CSGALNACT1: variants seen among roughly 807,000 people sequenced by gnomAD.
CSGALNACT1 encodes chondroitin sulfate N-acetylgalactosaminyltransferase 1, also known as beta4GalNAcT-1.
A neutral mutation model predicts 51.0 loss-of-function variants in CSGALNACT1; 52 were observed. The observed-to-expected ratio is 1.02, with a 90% CI of 0.82 to 1.29. The LOEUF is 1.29. Among genes scored for constraint, CSGALNACT1 ranks in the 50% most tolerant of loss-of-function variants. The probability of loss-of-function intolerance (pLI) is 0.00; values close to 1 mark genes in which losing one functional copy is unlikely to be tolerated. For missense variants in CSGALNACT1, 935 were observed against 679.2 expected, an observed-to-expected ratio of 1.38 and a Z score of -4.19; for synonymous variants, 341 against 254.4, an observed-to-expected ratio of 1.34 and a Z score of -3.24.
chr8:19,420,383 G>A (rs2057723171), exon 7 of CSGALNACT1: 1 of 1,614,196 alleles, frequency 6.2e-7, no homozygotes, highest in South Asian at 1.1e-5. Context: ...ATTCAGATGT[G>A]AAGTAGATGT....
intron 1 of CSGALNACT1, among the ~76,000 whole-genome samples, chr8:19,691,443 A>G (rs974970896): frequency 1.3e-5 from 2 of 152,220 alleles, no homozygotes; most frequent in African/African-American, 4.8e-5. Flanking sequence ...AAACAAAACA[A>G]AAACAAACAC....
chr8:19,704,644 C>T (rs1397612263), intron 1 of CSGALNACT1, among the ~76,000 whole-genome samples: 2 of 152,012 alleles, frequency 1.3e-5, no homozygotes, highest in Admixed American at 6.6e-5. Flanking sequence ...GCATTATTCA[C>T]AATAAGATAT....
intron 2 of CSGALNACT1, among the ~76,000 whole-genome samples, chr8:19,593,353 G>A (rs1352693208): frequency 1.3e-5 from 2 of 152,322 alleles, no homozygotes; most frequent in South Asian, 2.1e-4. Context: ...GACCTTACTG[G>A]TAAGGTTCAC....
intron 3 of CSGALNACT1, among the ~76,000 whole-genome samples, chr8:19,512,186 T>C (rs1041217335): frequency 6.6e-6 from 1 of 152,174 alleles, no homozygotes; most frequent in Admixed American, 6.5e-5. Flanking sequence ...GCTGCTGTGT[T>C]GTGAGCAGCC....
At chr8:19,562,324 A>G (rs1456051811) in intron 3 of CSGALNACT1, among the ~76,000 whole-genome samples, 1 of 152,190 alleles carries the variant, frequency 6.6e-6, no homozygotes, top group Admixed American at 6.5e-5. Context: ...GCCCTTTTAC[A>G]TAGAATAGTA....
chr8:19,507,918 T>G (rs1242335053), intron 3 of CSGALNACT1, among the ~76,000 whole-genome samples: 2 of 152,264 alleles, frequency 1.3e-5, no homozygotes, highest in African/African-American at 4.8e-5. Flanking sequence ...TGAGCCGCCG[T>G]GCCCGGCCCT....
At chr8:19,495,495 C>T (rs933144835) in intron 4 of CSGALNACT1, among the ~76,000 whole-genome samples, 1 of 152,132 alleles carries the variant, frequency 6.6e-6, no homozygotes, top group African/African-American at 2.4e-5. Context: ...ACAGTTCTAA[C>T]TTTGAAAGTC....
At chr8:19,691,079 G>C (rs979583143) in intron 1 of CSGALNACT1, among the ~76,000 whole-genome samples, 18 of 152,340 alleles carry the variant, frequency 1.2e-4, no homozygotes, top group Non-Finnish European at 2.1e-4. Context: ...ACAACAGAGT[G>C]AGACCTAGTC....
intron 1 of CSGALNACT1, among the ~76,000 whole-genome samples, chr8:19,626,564 G>A (rs1228633546): frequency 6.6e-6 from 1 of 152,152 alleles, no homozygotes; most frequent in Non-Finnish European, 1.5e-5. Flanking sequence ...CTGAAAGCAT[G>A]ATCAGTAACA....
chr8:19,404,893 A>G (rs892366358), exon 10 of CSGALNACT1: 2 of 454,310 alleles, frequency 4.4e-6, no homozygotes, highest in African/African-American at 4.0e-5. Flanking sequence ...CTTCAGAGAA[A>G]GTATCTGTAC....
intron 1 of CSGALNACT1, among the ~76,000 whole-genome samples, chr8:19,735,045 G>A (rs1267280743): frequency 1.3e-5 from 2 of 152,088 alleles, no homozygotes; most frequent in African/African-American, 2.4e-5. Flanking sequence ...AAGGGGCAAT[G>A]TCTAGGGCAT....
At chr8:19,597,851 A>G (rs1046220119) in intron 2 of CSGALNACT1, among the ~76,000 whole-genome samples, 1 of 152,250 alleles carries the variant, frequency 6.6e-6, no homozygotes, top group African/African-American at 2.4e-5. Context: ...CTAAAAATGC[A>G]GAGACCATGC....
rs1564382481 is a variant in CSGALNACT1 at position 19,666,767 on chromosome 8, GAAAGAAAGA to G, written c.-544+15697_-544+15705del. On this transcript the variant is annotated intron_variant, in intron 1 of 9. Transcript: ENST00000332246. ...CAAGAAACAAGAAAGAAAGAAGAAAGAAAGAAAGAAAGAAAGAAAGAAAGAAAGAAAGAA... is the reference window on the plus strand; with the variant it reads ...CAAGAAACAAGAAAGAAAGAAGAAAGAAGAAAGAAAGAAAGAAAGAAAGAA... 4.8e-3 allele frequency among the ~76,000 whole-genome samples: 38 copies of G among 7,938 alleles called. 1 individual carries two copies. The highest frequency in any genetic ancestry group is 0.014 in the African/African-American group (37 of 2,702). The allele number at this position is 7,938 out of a possible 152,430, so 5.2% of individuals were successfully genotyped here.
intron 3 of CSGALNACT1, among the ~76,000 whole-genome samples, chr8:19,586,039 C>T (rs2046552966): frequency 6.6e-6 from 1 of 152,098 alleles, no homozygotes; most frequent in South Asian, 2.1e-4. Flanking sequence ...AACCAATTCC[C>T]TCTAGGAAAC....
chr8:19,657,885 G>T (rs949769878), intron 1 of CSGALNACT1, among the ~76,000 whole-genome samples: 8 of 152,010 alleles, frequency 5.3e-5, no homozygotes, highest in African/African-American at 1.7e-4. Flanking sequence ...CCCCCGATGG[G>T]GTTTCCAGGC....
intron 6 of CSGALNACT1, among the ~76,000 whole-genome samples, chr8:19,439,266 T>A (rs1427164863): frequency 6.6e-6 from 1 of 152,232 alleles, no homozygotes; most frequent in Non-Finnish European, 1.5e-5. Flanking sequence ...TCTCAAGTTT[T>A]TGGTTAAATA....
intron 3 of CSGALNACT1, among the ~76,000 whole-genome samples, chr8:19,537,810 G>C (rs1003240708): frequency 4.6e-5 from 7 of 152,090 alleles, no homozygotes; most frequent in African/African-American, 1.7e-4. Flanking sequence ...AAAAACATAG[G>C]ACAAAATCTT....
chr8:19,735,831 T>G (rs933665304), intron 1 of CSGALNACT1, among the ~76,000 whole-genome samples: 2 of 152,186 alleles, frequency 1.3e-5, no homozygotes, highest in African/African-American at 4.8e-5. Flanking sequence ...ATATGTCAAT[T>G]GAACATTAAA....
chr8:19,543,681 G>A (rs529261347), intron 3 of CSGALNACT1, among the ~76,000 whole-genome samples: 2 of 152,292 alleles, frequency 1.3e-5, no homozygotes, highest in South Asian at 2.1e-4. Flanking sequence ...AGCCTTTCAT[G>A]TACAGTGCAC....
Sources: gnomAD v4.1 joint callset for allele counts (sites outside exome capture counted in the v4.1 genomes callset) on GRCh38, gnomAD v4.1.1 for gene constraint, MANE v1.5 for transcripts, NCBI Gene and HGNC (gene_info 2026-07-23, HGNC 2026-07-21) for gene names.